SBNO2: variants seen among roughly 807,000 people sequenced by gnomAD.
SBNO2 encodes strawberry notch homolog 2.
SBNO2 carries 89 observed loss-of-function variants against 146.3 expected under a neutral mutation model. The observed-to-expected ratio is 0.61, with a 90% CI of 0.51 to 0.73. The LOEUF (loss-of-function observed/expected upper bound fraction) is 0.73. Among genes scored for constraint, SBNO2 ranks in the 30% least tolerant of loss-of-function variants. The pLI is 0.00. For missense variants in SBNO2, 2,092 were observed against 2,003.7 expected (o/e 1.04, Z -0.84); for synonymous variants, 1,147 against 892.6 (o/e 1.29, Z -5.08).
intron 1 of SBNO2, among the ~76,000 whole-genome samples, chr19:1,159,332 T>C (rs557054539): frequency 6.6e-6 from 1 of 151,518 alleles, no homozygotes; most frequent in African/African-American, 2.4e-5. Flanking sequence ...TCTCAGGTCC[T>C]GACCCCTGCA....
chr19:1,112,196 T>C lies in SBNO2; in HGVS notation c.2621A>G (p.Glu874Gly), dbSNP rs1381983516. The C allele has an allele frequency of 6.3e-7, 1 of 1,586,652 alleles. No homozygotes were observed. Among genetic ancestry groups the C allele is most frequent in the Non-Finnish European group, 8.6e-7 (1 of 1,166,278 alleles). ...CCACCCCCACCTGCTCACCAGACTCTCCAGGCGCTTGGCCACGATGGAGGC... is the reference window on the plus strand; with the variant it reads ...CCACCCCCACCTGCTCACCAGACTCCCCAGGCGCTTGGCCACGATGGAGGC... ...RFASIVAKRL[E>G]SLGALTHGDR... The change falls in exon 22 of 32, where the codon GAG becomes GGG. Residue 874 changes from glutamate (E) to glycine (G), a missense_variant. Coordinates refer to ENST00000361757, the MANE Select transcript of SBNO2 (RefSeq NM_014963.3). This position sits in a 1 kb window ranked among gnomAD's most constrained non-coding sequence, Gnocchi z 5.9.
intron 4 of SBNO2, among the ~76,000 whole-genome samples, chr19:1,139,143 G>C (rs1279925299): frequency 6.6e-6 from 1 of 152,256 alleles, no homozygotes; most frequent in Non-Finnish European, 1.5e-5. Flanking sequence ...TCATGTGCCG[G>C]AACACGGCTC....
intron 11 of SBNO2, 22 bp from the exon 12 acceptor site, chr19:1,120,045 G>A: frequency 6.5e-7 from 1 of 1,543,290 alleles, no homozygotes; most frequent in South Asian, 1.2e-5. Context: ...GTGGGTTAAG[G>A]AGTATTCTGA....
At position 1,144,661 on chromosome 19, in the gene SBNO2, G is replaced by A. The variant is rs1172578007; in HGVS notation, c.279+2648C>T. Among the ~76,000 whole-genome samples, 2 of 151,758 alleles carry A rather than the reference G, an allele frequency of 1.3e-5. No individual in the cohort carries two copies. Among genetic ancestry groups the A allele is most frequent in the Admixed American group, 6.6e-5 (1 of 15,214 alleles). On this transcript the variant is annotated intron_variant, in intron 4 of 31. Coordinates refer to ENST00000361757, the MANE Select transcript of SBNO2 (RefSeq NM_014963.3). This position sits in a 1 kb window ranked among gnomAD's most constrained non-coding sequence, Gnocchi z 4.1. ...AGAGGGCGACAGAGACAGAGGCAGA[G>A]AGGGAAACAGACGAAGACAGAGAGG... is the stretch of plus-strand genomic sequence containing the variant.
At position 1,123,949 on chromosome 19, in the gene SBNO2, C is replaced by G; in HGVS notation, c.515G>C (p.Ser172Thr). Residue 172 changes from serine to threonine, a missense_variant, in exon 6 of 32, where the codon AGC becomes ACC. Physicochemically the swap from Ser to Thr is moderately conservative, Grantham distance 58. Coordinates refer to ENST00000361757, the MANE Select transcript of SBNO2 (RefSeq NM_014963.3). ...LPSHSTPLLV[S>T]YQEQSVQSQP... ...CGGCTGGGCCCAGCTCACCTGGTAG[C>G]TGACGAGAAGCGGGGTGCTGTGGGA... The G allele has an allele frequency of 6.2e-7, 1 of 1,611,448 alleles. No homozygotes were observed. The highest frequency in any genetic ancestry group is 8.5e-7 in the Non-Finnish European group (1 of 1,179,188).
chr19:1,142,802 A>T (rs1269769093), intron 4 of SBNO2, among the ~76,000 whole-genome samples: 1 of 152,150 alleles, frequency 6.6e-6, no homozygotes, highest in Non-Finnish European at 1.5e-5. Flanking sequence ...TCCCATCTCT[A>T]CTAAAAATAT....
rs1431446527 is a variant in SBNO2 at position 1,158,257 on chromosome 19, A to C, written c.-126-3855T>G. On this transcript the variant is annotated intron_variant, in intron 1 of 31. Transcript: ENST00000361757. This position sits in a 1 kb window ranked among gnomAD's most constrained non-coding sequence, Gnocchi z 9.9. ...GCCCCTTCGCGCGCTCCGCCCTCAG[A>C]CCCGAGCCGTCTGCAGATGGGGAGC... is the stretch of plus-strand genomic sequence containing the variant. Among the ~76,000 whole-genome samples, 1 of 151,312 alleles carries C rather than the reference A, an allele frequency of 6.6e-6. No individual in the cohort carries two copies. Among genetic ancestry groups the C allele is most frequent in the Non-Finnish European group, 1.5e-5 (1 of 67,818 alleles).
chr19:1,107,965 C>T lies in SBNO2; in HGVS notation c.*255G>A, dbSNP rs1374515897. On this transcript the variant is annotated 3_prime_UTR_variant, in exon 32 of 32. Coordinates refer to ENST00000361757, the MANE Select transcript of SBNO2 (RefSeq NM_014963.3). ...CCCTTGTGGGTGCCCAGTCCCAGAGCAGCCACCCGGAGCCCCTTCCTACTT... is the reference window on the plus strand; with the variant it reads ...CCCTTGTGGGTGCCCAGTCCCAGAGTAGCCACCCGGAGCCCCTTCCTACTT... 3.4e-6 allele frequency: 1 copy of T among 293,662 alleles called. No homozygotes were observed. The highest frequency in any genetic ancestry group is 6.9e-5 in the South Asian group (1 of 14,572). The allele number at this position is 293,662 out of a possible 1,614,324, so 18.2% of individuals were successfully genotyped here.
chr19:1,132,005 AG>A, intron 4 of SBNO2: 7 of 1,042,438 alleles, frequency 6.7e-6, no homozygotes, highest in South Asian at 1.7e-5. Flanking sequence ...CTGCTCCGGC[AG>A]GGGGCCCGGC....
chr19:1,165,124 C>T (rs994839984), intron 1 of SBNO2, among the ~76,000 whole-genome samples: 1 of 152,100 alleles, frequency 6.6e-6, no homozygotes, highest in African/African-American at 2.4e-5. Flanking sequence ...GCAACCCCTG[C>T]GCAGCAGCCC....
intron 4 of SBNO2, among the ~76,000 whole-genome samples, chr19:1,139,012 G>A (rs923456262): frequency 2.0e-5 from 3 of 151,810 alleles, no homozygotes; most frequent in African/African-American, 7.3e-5. Flanking sequence ...CAGACACTGT[G>A]GTACCTGGTA....
At position 1,110,850 on chromosome 19, in the gene SBNO2, G is replaced by C. The variant is rs771405342; in HGVS notation, c.2923C>G (p.Leu975Val). The C allele has an allele frequency of 6.2e-7, 1 of 1,613,670 alleles. No homozygotes were observed. ...ITKFLNRILG[L>V]EVHKQNALFQ... ...AGGGCGTTCTGCTTGTGCACCTCCAGCCCCAGGATGCGGTTCAGGAACTTG... is the reference window on the plus strand; with the variant it reads ...AGGGCGTTCTGCTTGTGCACCTCCACCCCCAGGATGCGGTTCAGGAACTTG... The change falls in exon 26 of 32, where the codon CTG becomes GTG. Residue 975 changes from leucine to valine, a missense_variant. Physicochemically the swap from Leu to Val is conservative, Grantham distance 32. Coordinates refer to ENST00000361757, the MANE Select transcript of SBNO2 (RefSeq NM_014963.3). The surrounding 1 kb of genome is among the most constrained non-coding windows in gnomAD (Gnocchi z 4.9).
chr19:1,117,564 C>A, intron 14 of SBNO2, 65 bp from the exon 15 acceptor site: 1 of 1,474,282 alleles, frequency 6.8e-7, no homozygotes, highest in Non-Finnish European at 9.0e-7. Context: ...GGGCCCCGGC[C>A]CACCTGCCGC....
In SBNO2 at chr19:1,126,502, C is replaced by A. The variant is rs1248847236; in HGVS notation, c.441+1102G>T. ...TGAAATGCTCTGCTGGGCCCTTGTGCCAGAGGGACCAAGCCTGAGCCGCCC... is the reference window on the plus strand; with the variant it reads ...TGAAATGCTCTGCTGGGCCCTTGTGACAGAGGGACCAAGCCTGAGCCGCCC... On this transcript the variant is annotated intron_variant, in intron 5 of 31. Coordinates refer to ENST00000361757, the MANE Select transcript of SBNO2 (RefSeq NM_014963.3). The surrounding 1 kb of genome is among the most constrained non-coding windows in gnomAD (Gnocchi z 4.4). Among the ~76,000 whole-genome samples the A allele has an allele frequency of 6.6e-6, 1 of 152,072 alleles. No individual in the cohort carries two copies.
rs984496888 is a variant in SBNO2, at chr19:1,108,129, G to C, written c.*91C>G. The C allele has an allele frequency of 1.5e-6, 2 of 1,331,920 alleles. No homozygotes were observed. The highest frequency in any genetic ancestry group is 1.5e-5 in the South Asian group (1 of 68,290). The allele number at this position is 1,331,920 out of a possible 1,614,324, so 82.5% of individuals were successfully genotyped here. A position where few individuals can be genotyped will look rare whatever the true frequency, so the allele number is the denominator to read the frequency against. On this transcript the variant is annotated 3_prime_UTR_variant, in exon 32 of 32. Transcript: ENST00000361757. ...CCAGGGCCTAGGGCTCCTCTGAGCA[G>C]TGGTCAGGGGACCTTGGCCCTGCTC... is the stretch of plus-strand genomic sequence containing the variant.
chr19:1,115,883 G>A (rs2079825211), intron 17 of SBNO2, 138 bp downstream of exon 17: 2 of 745,526 alleles, frequency 2.7e-6, no homozygotes, highest in Non-Finnish European at 4.7e-6. Flanking sequence ...GCGGAGCCTT[G>A]AGCCTGCCTG....
intron 1 of SBNO2, among the ~76,000 whole-genome samples, chr19:1,163,908 C>T (rs1344982884): frequency 6.6e-6 from 1 of 152,202 alleles, no homozygotes; most frequent in Non-Finnish European, 1.5e-5. Context: ...GCACTGCAGC[C>T]TCACCGCCCC....
chr19:1,120,298 G>A (rs537147813), intron 11 of SBNO2, among the ~76,000 whole-genome samples: 5 of 152,356 alleles, frequency 3.3e-5, no homozygotes, highest in East Asian at 3.9e-4. Context: ...CGGCGAGGAA[G>A]GGTGGGATCC....
chr19:1,167,533 ATCCCTCCC>A (rs2080437565), intron 1 of SBNO2, among the ~76,000 whole-genome samples: 1 of 152,236 alleles, frequency 6.6e-6, no homozygotes, highest in East Asian at 1.9e-4. Context: ...CCATCACGCC[ATCCCTCCC>A]TCCTAAAAGC....
Sources: allele counts gnomAD v4.1 joint callset (sites outside exome capture counted in the v4.1 genomes callset), GRCh38; gene constraint gnomAD v4.1.1; non-coding constraint Gnocchi (gnomAD v3.1); transcripts MANE v1.5; gene names NCBI Gene and HGNC (gene_info 2026-07-23, HGNC 2026-07-21).